The following TMEM132B variants were observed in gnomAD, a reference collection of about 807,000 sequenced individuals.
TMEM132B encodes transmembrane protein 132B.
A neutral mutation model predicts 90.8 loss-of-function variants in TMEM132B; 18 were observed. The observed-to-expected ratio is 0.20, with a 90% CI of 0.14 to 0.29. The LOEUF (loss-of-function observed/expected upper bound fraction) is 0.29, where lower values mean the gene tolerates loss of function less well. Among genes scored for constraint, TMEM132B ranks in the 10% least tolerant of loss-of-function variants. The pLI is 1.00. For synonymous variants in TMEM132B, 504 were observed against 523.3 expected, an observed-to-expected ratio of 0.96 and a Z score of 0.50; for missense variants, 1,096 against 1,326.8, an observed-to-expected ratio of 0.83 and a Z score of 2.70.
At chr12:125,583,334 T>TG (rs1479274824) in intron 4 of TMEM132B, among the ~76,000 whole-genome samples, 1 of 151,552 alleles carries the variant, frequency 6.6e-6, no homozygotes. Flanking sequence ...GTCGGGGAGG[T>TG]GGGGTGTGGC....
chr12:125,402,577 A>G (rs1370678737), intron 2 of TMEM132B, among the ~76,000 whole-genome samples: 1 of 152,224 alleles, frequency 6.6e-6, no homozygotes, highest in Non-Finnish European at 1.5e-5. Flanking sequence ...AAGATATGCA[A>G]TTTCACTTTG....
chr12:125,350,375 A>G (rs774882199), intron 2 of TMEM132B, 32 bp downstream of exon 2: 1 of 1,567,986 alleles, frequency 6.4e-7, no homozygotes, highest in East Asian at 2.2e-5. Context: ...GATGGAACAG[A>G]AGCCAACTCT....
intron 1 of TMEM132B, among the ~76,000 whole-genome samples, chr12:125,259,844 A>T (rs1011951330): frequency 2.0e-5 from 3 of 151,964 alleles, no homozygotes; most frequent in Admixed American, 2.0e-4. Context: ...AATCAAGGTT[A>T]AAAGAGAGGA....
At position 125,639,247 on chromosome 12, in the gene TMEM132B, A is replaced by G. The variant is rs181185982; in HGVS notation, c.1438-4829A>G. Among the ~76,000 whole-genome samples, 204 of 152,322 alleles carry G rather than the reference A, an allele frequency of 1.3e-3. 1 individual carries two copies. Among genetic ancestry groups the G allele is most frequent in the African/African-American group, 4.5e-3 (186 of 41,574 alleles). On this transcript the variant is annotated intron_variant, in intron 5 of 8. Coordinates refer to ENST00000682704, the MANE Select transcript of TMEM132B (RefSeq NM_001366854.1). ...AAGGCCAATTGACCACTGGGAATCC[A>G]AGGCCTCACATTTATCAGCTTTGTT... is the stretch of plus-strand genomic sequence containing the variant.
chr12:125,260,175 C>T (rs1215038958), intron 1 of TMEM132B, among the ~76,000 whole-genome samples: 1 of 152,156 alleles, frequency 6.6e-6, no homozygotes, highest in African/African-American at 2.4e-5. Flanking sequence ...CCACCATTCA[C>T]TTACATGTTT....
At chr12:125,288,358 G>T (rs562853271) in intron 1 of TMEM132B, among the ~76,000 whole-genome samples, 1 of 151,220 alleles carries the variant, frequency 6.6e-6, no homozygotes, top group East Asian at 2.0e-4. Flanking sequence ...AGCTACTCAG[G>T]AGGCTGAGGC....
rs937182712 is a variant in TMEM132B at position 125,277,902 on chromosome 12, G to A, written c.68-71550G>A. The stretch of plus-strand genomic sequence containing the variant: ...GAAAAATCAGATCTATTCACAGAGG[G>A]CCAGCATTCTCCGATGGGAAAAGTC... On this transcript the variant is annotated intron_variant, in intron 1 of 8. Coordinates refer to ENST00000682704, the MANE Select transcript of TMEM132B (RefSeq NM_001366854.1). The surrounding 1 kb of genome is among the most constrained non-coding windows in gnomAD (Gnocchi z 4.3). Among the ~76,000 whole-genome samples, 5 of 152,188 alleles carry A rather than the reference G, an allele frequency of 3.3e-5. No homozygotes were observed. The highest frequency in any genetic ancestry group is 1.2e-4 in the African/African-American group (5 of 41,434).
At position 125,510,098 on chromosome 12, in the gene TMEM132B, A is replaced by G. The variant is rs377533730; in HGVS notation, c.1107-9341A>G. Among the ~76,000 whole-genome samples the G allele has an allele frequency of 1.6e-4, 24 of 152,326 alleles. No homozygotes were observed. In the East Asian group the frequency reaches 4.6e-3, roughly 29 times the overall value. ...AGAAGGGTTTTGGATGTTGTCAGAA[A>G]GATAGAGGCAGTGGGGAAAAAATTG... On this transcript the variant is annotated intron_variant, in intron 3 of 8. Transcript: ENST00000682704.
rs12580776 is a variant in TMEM132B at position 125,215,895 on chromosome 12, T to C, written c.67+29029T>C. Among the ~76,000 whole-genome samples, 1,064 of 152,302 alleles carry C rather than the reference T, an allele frequency of 7.0e-3. 10 individuals carry two copies. Among genetic ancestry groups the C allele is most frequent in the East Asian group, 0.058 (301 of 5,182 alleles). ...TCCACCTGGATAACAGAAGGTAATC[T>C]CCCCAGCTCAAGAGCCTTAACTTGA... On this transcript the variant is annotated intron_variant, in intron 1 of 8. Transcript: ENST00000682704.
intron 1 of TMEM132B, among the ~76,000 whole-genome samples, chr12:125,286,170 A>G (rs1472704490): frequency 1.3e-5 from 2 of 152,252 alleles, no homozygotes; most frequent in Middle Eastern, 3.2e-3. Flanking sequence ...ATGAGAAGAG[A>G]GAAGCACAGA....
At position 125,583,647 on chromosome 12, in the gene TMEM132B, A is replaced by C. The variant is rs553688830; in HGVS notation, c.1294-204A>C. Among the ~76,000 whole-genome samples the C allele has an allele frequency of 5.9e-5, 9 of 152,284 alleles. No homozygotes were observed. In the East Asian group the frequency reaches 1.7e-3, roughly 29 times the overall value. ...GACTGGGAAGACATTCCAACCAACC[A>C]TCAGGTTTGATTATCTCAGTCTGGG... is the stretch of plus-strand genomic sequence containing the variant. On this transcript the variant is annotated intron_variant, in intron 4 of 8. Transcript: ENST00000682704.
At chr12:125,509,266 T>A (rs564001445) in intron 3 of TMEM132B, among the ~76,000 whole-genome samples, 2 of 152,300 alleles carry the variant, frequency 1.3e-5, no homozygotes, top group African/African-American at 4.8e-5. Flanking sequence ...TCCTGGACGC[T>A]CCACTTCATA....
chr12:125,557,181 T>C (rs578006094), intron 4 of TMEM132B, among the ~76,000 whole-genome samples: 1 of 152,318 alleles, frequency 6.6e-6, no homozygotes, highest in East Asian at 1.9e-4. Context: ...TATGTGTATA[T>C]ATAGTTATTT....
At chr12:125,495,915 T>A (rs1426073842) in intron 3 of TMEM132B, among the ~76,000 whole-genome samples, 1 of 152,230 alleles carries the variant, frequency 6.6e-6, no homozygotes. Flanking sequence ...AAGATCCTTT[T>A]AAAAAATTCA....
chr12:125,567,811 G>A (rs1238944762), intron 4 of TMEM132B, among the ~76,000 whole-genome samples: 1 of 152,094 alleles, frequency 6.6e-6, no homozygotes, highest in East Asian at 1.9e-4. Context: ...AGGCAACAAA[G>A]AAATGTTTTT....
At chr12:125,473,738 G>T (rs1002690396) in intron 3 of TMEM132B, among the ~76,000 whole-genome samples, 7 of 152,144 alleles carry the variant, frequency 4.6e-5, no homozygotes, top group African/African-American at 1.7e-4. Context: ...ATGGCTTAGA[G>T]GTCTTTCCAG....
chr12:125,430,911 C>G (rs1360392754), intron 3 of TMEM132B, among the ~76,000 whole-genome samples: 1 of 152,110 alleles, frequency 6.6e-6, no homozygotes, highest in East Asian at 1.9e-4. Context: ...CTCTGACGAG[C>G]AGAGCCCTGA....
At chr12:125,281,810 C>T (rs974684698) in intron 1 of TMEM132B, among the ~76,000 whole-genome samples, 3 of 151,866 alleles carry the variant, frequency 2.0e-5, no homozygotes, top group Non-Finnish European at 2.9e-5. Flanking sequence ...GGGCGGATCA[C>T]GAGGTCAGGA....
intron 1 of TMEM132B, among the ~76,000 whole-genome samples, chr12:125,240,413 C>T (rs945433423): frequency 7.2e-5 from 11 of 152,192 alleles, no homozygotes; most frequent in Non-Finnish European, 1.5e-4. Flanking sequence ...TGACATCTTA[C>T]TGGGACTCAG....
Sources: allele counts gnomAD v4.1 joint callset (sites outside exome capture counted in the v4.1 genomes callset), GRCh38; gene constraint gnomAD v4.1.1; non-coding constraint Gnocchi (gnomAD v3.1); transcripts MANE v1.5; gene names NCBI Gene and HGNC (gene_info 2026-07-23, HGNC 2026-07-21).